VPS13D: variants seen among roughly 807,000 people sequenced by gnomAD.
VPS13D encodes the protein vacuolar protein sorting 13 homolog D.
VPS13D carries 187 observed loss-of-function variants against 461.9 expected under a neutral mutation model. That is an observed-to-expected ratio of 0.40 (90% CI 0.36 to 0.46). The LOEUF is 0.46. Ranked by LOEUF, VPS13D falls within the 20% of genes least tolerant of loss-of-function variation. The pLI is 0.60. For synonymous variants in VPS13D, 1,951 were observed against 1,986.3 expected (o/e 0.98, Z 0.47); for missense variants, 4,711 against 5,364.9 (o/e 0.88, Z 3.81).
At chr1:12,230,323 C>T (rs890796612) in intron 1 of VPS13D, among the ~76,000 whole-genome samples, 8 of 152,220 alleles carry the variant, frequency 5.3e-5, no homozygotes, top group African/African-American at 1.7e-4. Context: ...CTGCTCCCCC[C>T]GGGCCCCAAG....
rs184198190 is a variant in VPS13D at position 12,388,134 on chromosome 1, G to A, written c.11634+1800G>A. Among the ~76,000 whole-genome samples, 306 of 152,280 alleles carry A rather than the reference G, an allele frequency of 2.0e-3. 1 individual carries two copies. The highest frequency in any genetic ancestry group is 3.0e-3 in the Non-Finnish European group (203 of 68,014). On this transcript the variant is annotated intron_variant, in intron 60 of 69. Transcript: ENST00000620676. The stretch of plus-strand genomic sequence containing the variant: ...TCAACAATAGCATAAAGGCTGAAGG[G>A]GAGAAATGGAAGTCTATTAGTGTAA...
chr1:12,261,972 T>C lies in VPS13D; in HGVS notation c.1486T>C (p.Phe496Leu). Reference sequence around the variant, plus strand: ...CACGTATACAAAGCGAGATCATGTCTTTGCCAAACTGAATTTGCAGTTGCA... The same window carrying C: ...CACGTATACAAAGCGAGATCATGTCCTTGCCAAACTGAATTTGCAGTTGCA... Reference protein sequence around the residue: ...MNTYTKRDHVFAKLNLQLQRG... With the variant: ...MNTYTKRDHVLAKLNLQLQRG... The change falls in exon 13 of 70, where the codon TTT (phenylalanine) becomes CTT (leucine). Residue 496 changes from phenylalanine (F) to leucine (L), a missense_variant. Phe to Leu is a conservative substitution (Grantham distance 22, BLOSUM62 0). Coordinates refer to ENST00000620676, the MANE Select transcript of VPS13D (RefSeq NM_015378.4). 6.2e-7 allele frequency: 1 copy of C among 1,614,216 alleles called. No homozygotes were observed.
At position 12,460,239 on chromosome 1, in the gene VPS13D, G is replaced by C; in HGVS notation, c.12505G>C (p.Val4169Leu). 6.2e-7 allele frequency: 1 copy of C among 1,610,456 alleles called. No individual in the cohort carries two copies. Among genetic ancestry groups the C allele is most frequent in the Non-Finnish European group, 8.5e-7 (1 of 1,178,274 alleles). Residue 4169 changes from valine (V) to leucine (L), a missense_variant, in exon 67 of 70, where the codon GTG (valine) becomes CTG (leucine). By Grantham distance (32) the Val-to-Leu change is conservative. Coordinates refer to ENST00000620676, the MANE Select transcript of VPS13D (RefSeq NM_015378.4). ...ACTGACCAGTGTTATAACTTCGACA[G>C]TGGAAGGTGTGAAAACAGAAGGGGG... is the stretch of plus-strand genomic sequence containing the variant. ...GGLTSVITST[V>L]EGVKTEGGVS...
rs749776729 is a variant in VPS13D at position 12,506,843 on chromosome 1, C to G, written c.12795-10C>G. On this transcript the variant is annotated splice_polypyrimidine_tract_variant and intron_variant, in intron 68 of 69. Coordinates refer to ENST00000620676, the MANE Select transcript of VPS13D (RefSeq NM_015378.4). ...AGGTGTCACTCCTGTGTTCCCGTCT[C>G]GCTTTGCAGCTTCATCGCTGTGGAG... is the stretch of plus-strand genomic sequence containing the variant. 5.0e-6 allele frequency: 8 copies of G among 1,612,810 alleles called. No homozygotes were observed. Among genetic ancestry groups the G allele is most frequent in the Non-Finnish European group, 6.8e-6 (8 of 1,179,062 alleles).
At chr1:12,491,227 C>T (rs777220205) in intron 67 of VPS13D, among the ~76,000 whole-genome samples, 12 of 152,222 alleles carry the variant, frequency 7.9e-5, no homozygotes, top group Non-Finnish European at 1.8e-4. Flanking sequence ...AGGAAGATGG[C>T]AGCCATCAGT....
rs753391579 is a variant in VPS13D, at chr1:12,276,769, C to T, written c.3181C>T (p.Arg1061Ter). The change falls in exon 19 of 70, where the codon CGA (arginine) becomes TGA (stop). Residue 1061 changes from arginine to a stop codon, truncating the protein, a stop_gained. Coordinates refer to ENST00000620676, the MANE Select transcript of VPS13D (RefSeq NM_015378.4). LOFTEE classifies it high-confidence loss of function. The surrounding 1 kb of genome is among the most constrained non-coding windows in gnomAD (Gnocchi z 4.5). ...AACTGATGGAGCTACACTGAACGAC[C>T]GATCAGCTACTAGTGTTTCACTTGA... Reference protein sequence around the residue: ...HLTDGATLNDRSATSVSLDKI... With the variant: ...HLTDGATLND 5 of 1,614,154 alleles carry T rather than the reference C, an allele frequency of 3.1e-6. No individual in the cohort carries two copies. Among genetic ancestry groups the T allele is most frequent in the South Asian group, 1.1e-5 (1 of 91,078 alleles).
At chr1:12,274,794 A>C (rs114783184) in intron 18 of VPS13D, among the ~76,000 whole-genome samples, 4 of 152,044 alleles carry the variant, frequency 2.6e-5, no homozygotes, top group Non-Finnish European at 5.9e-5. Flanking sequence ...AGAACATTCC[A>C]GTGGATGCTG....
At position 12,288,333 on chromosome 1, in the gene VPS13D, G is replaced by A; in HGVS notation, c.5725+20G>A. On this transcript the variant is annotated intron_variant, in intron 22 of 69. Transcript: ENST00000620676. The stretch of plus-strand genomic sequence containing the variant: ...TGATTGGTAAGTGGTGGGGGGTGGA[G>A]GGAAGCAAACTTGCAAAATCTGGTC... 9 of 1,610,952 alleles carry A rather than the reference G, an allele frequency of 5.6e-6. No homozygotes were observed. Among genetic ancestry groups the A allele is most frequent in the Non-Finnish European group, 7.6e-6 (9 of 1,177,168 alleles).
At chr1:12,368,349 G>A in intron 52 of VPS13D, 119 bp from the exon 53 acceptor site, 12 of 1,218,638 alleles carry the variant, frequency 9.8e-6, no homozygotes, top group Non-Finnish European at 1.3e-5. Flanking sequence ...TGGGCTGTAA[G>A]TTCAGTGGTA....
intron 16 of VPS13D, among the ~76,000 whole-genome samples, chr1:12,269,841 C>G (rs958609262): frequency 6.6e-6 from 1 of 152,150 alleles, no homozygotes; most frequent in Admixed American, 6.5e-5. Flanking sequence ...CTTCATTGCT[C>G]TGTCACTGAT....
At chr1:12,409,605 G>C (rs906174964) in intron 63 of VPS13D, among the ~76,000 whole-genome samples, 1 of 152,272 alleles carries the variant, frequency 6.6e-6, no homozygotes, top group African/African-American at 2.4e-5. Context: ...AGATTTACTG[G>C]TAATATTAGC....
chr1:12,491,839 A>G (rs575800380), intron 67 of VPS13D, among the ~76,000 whole-genome samples: 1 of 152,326 alleles, frequency 6.6e-6, no homozygotes, highest in East Asian at 1.9e-4. Flanking sequence ...GCTTCTTTCT[A>G]TACACTGTGA....
At chr1:12,494,818 C>T (rs1439739660) in intron 67 of VPS13D, among the ~76,000 whole-genome samples, 1 of 152,184 alleles carries the variant, frequency 6.6e-6, no homozygotes, top group Non-Finnish European at 1.5e-5. Flanking sequence ...TATTTTGCCT[C>T]AATGTTGATT....
intron 67 of VPS13D, among the ~76,000 whole-genome samples, chr1:12,475,417 G>T (rs1000247738): frequency 6.6e-6 from 1 of 152,208 alleles, no homozygotes; most frequent in African/African-American, 2.4e-5. Context: ...CCTTCCTAGG[G>T]CTGGCTCTGC....
intron 57 of VPS13D, among the ~76,000 whole-genome samples, chr1:12,380,058 C>T (rs1021028419): frequency 3.9e-5 from 6 of 152,228 alleles, no homozygotes; most frequent in East Asian, 1.9e-4. Context: ...CGTGAGCCAC[C>T]GCGCCCAGCC....
chr1:12,496,983 A>G (rs993249545), intron 67 of VPS13D: 1 of 152,420 alleles, frequency 6.6e-6, no homozygotes, highest in Admixed American at 6.5e-5. Context: ...AGAAGTCTCA[A>G]GGGTTGGTGT....
chr1:12,331,037 T>C (rs1288791403), intron 37 of VPS13D, among the ~76,000 whole-genome samples: 1 of 152,234 alleles, frequency 6.6e-6, no homozygotes, highest in Non-Finnish European at 1.5e-5. Context: ...TTGGGAGACG[T>C]AAACCTCAAT....
rs781533659 is a variant in VPS13D at position 12,260,706 on chromosome 1, G to A, written c.1124G>A (p.Arg375Gln). The change falls in exon 11 of 70, where the codon CGG becomes CAG. Residue 375 changes from arginine to glutamine, a missense_variant. This residue lies in a region of VPS13D where 4,411 missense variants were observed against 4,937.8 expected (regional missense o/e 0.89). Coordinates refer to ENST00000620676, the MANE Select transcript of VPS13D (RefSeq NM_015378.4). Reference sequence around the variant, plus strand: ...TCACCCAAACAGGAGGAAATGTGTCGGATTGAAGAGGAACAGAGCTTTGAG... The same window carrying A: ...TCACCCAAACAGGAGGAAATGTGTCAGATTGAAGAGGAACAGAGCTTTGAG... Reference protein sequence around the residue: ...LSTDDKEEMCRIEEEQSFEEL... With the variant: ...LSTDDKEEMCQIEEEQSFEEL... 8.7e-6 allele frequency: 14 copies of A among 1,614,038 alleles called. No homozygotes were observed. The highest frequency in any genetic ancestry group is 4.4e-5 in the South Asian group (4 of 91,060).
intron 37 of VPS13D, among the ~76,000 whole-genome samples, chr1:12,331,299 A>G (rs984945656): frequency 2.6e-5 from 4 of 152,146 alleles, no homozygotes; most frequent in Non-Finnish European, 5.9e-5. Flanking sequence ...TTCAGTAAGA[A>G]ATTAAACCTC....
Sources: allele counts gnomAD v4.1 joint callset (sites outside exome capture counted in the v4.1 genomes callset), GRCh38; gene constraint gnomAD v4.1.1; regional missense constraint gnomAD v4.1.1; non-coding constraint Gnocchi (gnomAD v3.1); transcripts MANE v1.5; gene names NCBI Gene and HGNC (gene_info 2026-07-23, HGNC 2026-07-21).